PATJ: variants seen among roughly 807,000 people sequenced by gnomAD.
PATJ encodes inaD-like protein.
A neutral mutation model predicts 224.9 loss-of-function variants in PATJ; 190 were observed. That is an observed-to-expected ratio of 0.84 (90% confidence interval 0.75 to 0.95). The LOEUF is 0.95. Ranked by LOEUF, PATJ falls within the 40% of genes least tolerant of loss-of-function variation. The probability of loss-of-function intolerance (pLI) is 0.00; values close to 1 mark genes in which losing one functional copy is unlikely to be tolerated. For missense variants in PATJ, 2,121 were observed against 2,270.3 expected, an observed-to-expected ratio of 0.93 and a Z score of 1.34; for synonymous variants, 769 against 820.3, an observed-to-expected ratio of 0.94 and a Z score of 1.07.
intron 22 of PATJ, among the ~76,000 whole-genome samples, chr1:61,892,204 A>T (rs970565710): frequency 1.3e-5 from 2 of 152,180 alleles, no homozygotes; most frequent in Admixed American, 1.3e-4. Context: ...TATATCATAG[A>T]ATATTGCCAT....
chr1:61,846,810 G>T (rs1350148399), intron 17 of PATJ, among the ~76,000 whole-genome samples: 1 of 152,180 alleles, frequency 6.6e-6, no homozygotes, highest in Non-Finnish European at 1.5e-5. Context: ...TGTTGGCCGG[G>T]CTGGCCTCGA....
At chr1:61,765,102 G>T (rs1177060898) in intron 3 of PATJ, among the ~76,000 whole-genome samples, 3 of 18,868 alleles carry the variant, frequency 1.6e-4, no homozygotes, top group Non-Finnish European at 1.6e-4. Context: ...TTTTTTTTGA[G>T]GCAGAGTATT....
chr1:62,059,531 C>T (rs939448589), intron 31 of PATJ, among the ~76,000 whole-genome samples: 4 of 151,822 alleles, frequency 2.6e-5, no homozygotes, highest in Non-Finnish European at 5.9e-5. Context: ...GCAGGAGAAT[C>T]GCTTGAACCC....
chr1:62,103,268 C>A (rs1007529035), intron 33 of PATJ, among the ~76,000 whole-genome samples: 1 of 152,192 alleles, frequency 6.6e-6, no homozygotes, highest in African/African-American at 2.4e-5. Flanking sequence ...GGAATTTCAT[C>A]TCTCCTAATT....
At chr1:61,939,547 A>G (rs1677456696) in intron 27 of PATJ, among the ~76,000 whole-genome samples, 1 of 152,002 alleles carries the variant, frequency 6.6e-6, no homozygotes, top group South Asian at 2.1e-4. Context: ...ATATTTTAAC[A>G]ATATTAATCA....
intron 8 of PATJ, 23 bp from the exon 9 acceptor site, chr1:61,791,325 T>C: frequency 7.1e-7 from 1 of 1,404,840 alleles, no homozygotes; most frequent in Non-Finnish European, 1.0e-6. Flanking sequence ...GCATATATAA[T>C]TAAATTTGTT....
chr1:61,839,016 G>A (rs1660659449), intron 17 of PATJ, among the ~76,000 whole-genome samples: 1 of 152,136 alleles, frequency 6.6e-6, no homozygotes, highest in Admixed American at 6.5e-5. Context: ...TAGAAGTGAA[G>A]AAACTGAGGC....
intron 18 of PATJ, among the ~76,000 whole-genome samples, chr1:61,857,187 A>AACC (rs1285058690): frequency 4.6e-5 from 7 of 152,134 alleles, no homozygotes; most frequent in Non-Finnish European, 8.8e-5. Flanking sequence ...GCAAAAAACA[A>AACC]ACCACCACCA....
chr1:62,119,169 T>C (rs1664780712), intron 37 of PATJ, among the ~76,000 whole-genome samples: 1 of 147,666 alleles, frequency 6.8e-6, no homozygotes, highest in Non-Finnish European at 1.5e-5. Context: ...ACAGTAAATA[T>C]ATCTTATCAT....
chr1:61,990,032 T>C, intron 27 of PATJ, 136 bp from the exon 28 acceptor site: 1 of 661,104 alleles, frequency 1.5e-6, no homozygotes, highest in South Asian at 2.1e-5. Flanking sequence ...GTCTGCGCAA[T>C]ATAGCAAGAC....
At chr1:61,826,114 C>T (rs987813295) in intron 15 of PATJ, among the ~76,000 whole-genome samples, 9 of 152,158 alleles carry the variant, frequency 5.9e-5, no homozygotes, top group African/African-American at 2.2e-4. Flanking sequence ...CTAAAGTGCA[C>T]GTGGGTCTCT....
At chr1:61,760,619 C>CTTTTTTTT (rs200693394) in intron 1 of PATJ, among the ~76,000 whole-genome samples, 5 of 135,484 alleles carry the variant, frequency 3.7e-5, no homozygotes, top group Non-Finnish European at 7.9e-5. Context: ...TTTTCTTTTT[C>CTTTTTTTT]TTTTTTTTTT....
At chr1:61,799,078 T>C (rs1651937019) in intron 11 of PATJ, among the ~76,000 whole-genome samples, 1 of 152,220 alleles carries the variant, frequency 6.6e-6, no homozygotes, top group African/African-American at 2.4e-5. Flanking sequence ...ATAGTAGAAC[T>C]TTTGTTGCTG....
intron 28 of PATJ, 47 bp from the exon 29 acceptor site, chr1:62,017,809 A>G (rs1255751296): frequency 2.2e-6 from 2 of 922,986 alleles, no homozygotes; most frequent in Admixed American, 3.4e-5. Flanking sequence ...ATACATATAT[A>G]CTTGTAGACA....
intron 42 of PATJ, among the ~76,000 whole-genome samples, chr1:62,148,629 T>G (rs932699817): frequency 3.9e-5 from 6 of 152,204 alleles, no homozygotes; most frequent in Admixed American, 2.0e-4. Flanking sequence ...TGCCTATGCC[T>G]GCTTCCCTAA....
intron 1 of PATJ, among the ~76,000 whole-genome samples, chr1:61,750,929 T>C (rs2148182811): frequency 6.6e-6 from 1 of 152,250 alleles, no homozygotes; most frequent in East Asian, 1.9e-4. Flanking sequence ...CTCTCTCCAA[T>C]GGCATCTATG....
At chr1:61,747,064 G>C (rs554353096) in intron 1 of PATJ, among the ~76,000 whole-genome samples, 64 of 152,296 alleles carry the variant, frequency 4.2e-4, no homozygotes, top group African/African-American at 1.5e-3. Context: ...GAATATATTA[G>C]GTTGGGGAAG....
chr1:61,810,139 C>G (rs531716359), intron 14 of PATJ, among the ~76,000 whole-genome samples: 75 of 152,144 alleles, frequency 4.9e-4, no homozygotes, highest in African/African-American at 1.7e-3. Flanking sequence ...CATGAGTCAC[C>G]ACGCCTGGCC....
At chr1:61,745,107 C>T (rs1251057820) in intron 1 of PATJ, among the ~76,000 whole-genome samples, 2 of 152,016 alleles carry the variant, frequency 1.3e-5, no homozygotes, top group African/African-American at 4.8e-5. Flanking sequence ...ATTGAGTAGA[C>T]ATAATTGAAG....
Sources: allele counts gnomAD v4.1 joint callset (sites outside exome capture counted in the v4.1 genomes callset), GRCh38; gene constraint gnomAD v4.1.1; transcripts MANE v1.5; gene names NCBI Gene and HGNC (gene_info 2026-07-23, HGNC 2026-07-21).